The following CCDC158 variants were observed in gnomAD, a reference collection of about 807,000 sequenced individuals.
The protein encoded by CCDC158 is coiled-coil domain-containing protein 158.
Under a neutral mutation model 138.6 loss-of-function variants are expected in CCDC158, and 116 were observed. The observed-to-expected ratio is 0.84, with a 90% CI of 0.72 to 0.98. The LOEUF is 0.98. Ranked by LOEUF, CCDC158 falls within the 50% of genes least tolerant of loss-of-function variation. The pLI is 0.00. For synonymous variants in CCDC158, 436 were observed against 442.4 expected (o/e 0.99, Z 0.18); for missense variants, 1,265 against 1,306.1 (o/e 0.97, Z 0.48).
intron 24 of CCDC158, among the ~76,000 whole-genome samples, chr4:76,320,976 C>T (rs776573785): frequency 6.6e-6 from 1 of 152,142 alleles, no homozygotes; most frequent in Non-Finnish European, 1.5e-5. Context: ...AAACAGACAA[C>T]CCACAGAGTG....
At chr4:76,345,339 TCAAA>T (rs1392266090) in intron 18 of CCDC158, 2 of 1,120,552 alleles carry the variant, frequency 1.8e-6, no homozygotes, top group East Asian at 2.3e-5. Context: ...TTATGAGAAC[TCAAA>T]CAAAGCTCTG....
chr4:76,347,706 T>A (rs1369011199), intron 18 of CCDC158, among the ~76,000 whole-genome samples: 1 of 152,056 alleles, frequency 6.6e-6, no homozygotes, highest in African/African-American at 2.4e-5. Flanking sequence ...TAAAGTATAA[T>A]TTTTAAAAAT....
At chr4:76,387,651 C>G (rs1042039514) in intron 4 of CCDC158, among the ~76,000 whole-genome samples, 2 of 151,762 alleles carry the variant, frequency 1.3e-5, no homozygotes, top group Non-Finnish European at 2.9e-5. Flanking sequence ...GGTGAAACCC[C>G]ATCTCTACTA....
At chr4:76,375,759 G>T in intron 9 of CCDC158, 1 of 580,898 alleles carries the variant, frequency 1.7e-6, no homozygotes, top group Non-Finnish European at 3.1e-6. Context: ...ACTTTTGTAA[G>T]CTACGAAAGC....
Position 76,369,750 on chromosome 4 carries a change from C to T in CCDC158, c.1150-127G>A, listed in dbSNP as rs77643163. Reference sequence around the variant, plus strand: ...CACCTTTGATTTTGGAATCTGATTCCTTTTTAATGGCTTAAGAGCAATTAT... The same window carrying T: ...CACCTTTGATTTTGGAATCTGATTCTTTTTTAATGGCTTAAGAGCAATTAT... On this transcript the variant is annotated intron_variant, in intron 10 of 24. Coordinates refer to ENST00000682701, the MANE Select transcript of CCDC158 (RefSeq NM_001394954.1). The T allele has an allele frequency of 3.8e-4, 294 of 767,260 alleles. No homozygotes were observed. In the African/African-American group the frequency reaches 4.9e-3, roughly 13 times the overall value. 47.5% of individuals were successfully genotyped at this position (767,260 alleles called of 1,614,324 possible). A position where few individuals can be genotyped will look rare whatever the true frequency, so the allele number is the denominator to read the frequency against.
chr4:76,331,593 A>C (rs1485110502), intron 20 of CCDC158, among the ~76,000 whole-genome samples, 190 bp from the exon 21 acceptor site: 1 of 152,226 alleles, frequency 6.6e-6, no homozygotes, highest in East Asian at 1.9e-4. Flanking sequence ...TTTTAGATAG[A>C]TATGGATTCA....
intron 12 of CCDC158, among the ~76,000 whole-genome samples, chr4:76,362,541 T>A (rs1031731241): frequency 2.0e-5 from 3 of 152,212 alleles, no homozygotes; most frequent in Admixed American, 6.5e-5. Context: ...TGGGAAAATA[T>A]TTCACTTTCT....
At chr4:76,406,176 C>G (rs994168894) in intron 2 of CCDC158, among the ~76,000 whole-genome samples, 6 of 152,034 alleles carry the variant, frequency 3.9e-5, no homozygotes, top group African/African-American at 1.4e-4. Context: ...ATGAAAACAA[C>G]AAGAAAGCAC....
At chr4:76,338,710 T>A (rs141776371) in intron 18 of CCDC158, among the ~76,000 whole-genome samples, 1 of 152,268 alleles carries the variant, frequency 6.6e-6, no homozygotes, top group Non-Finnish European at 1.5e-5. Flanking sequence ...GTGGCAGGGT[T>A]TAAGTCAGAA....
intron 9 of CCDC158, among the ~76,000 whole-genome samples, chr4:76,376,683 A>G (rs954639795): frequency 8.5e-5 from 13 of 152,126 alleles, no homozygotes; most frequent in African/African-American, 2.4e-4. Context: ...AATTAATGTC[A>G]CCTTAGGCCA....
chr4:76,394,633 T>C (rs1727611648), intron 4 of CCDC158, among the ~76,000 whole-genome samples: 1 of 152,060 alleles, frequency 6.6e-6, no homozygotes, highest in Non-Finnish European at 1.5e-5. Context: ...AAGAATATAA[T>C]TGGATTGTTT....
chr4:76,362,243 C>A lies in CCDC158; in HGVS notation c.1903G>T (p.Val635Leu), dbSNP rs1404766270. Reference sequence around the variant, plus strand: ...TCAGAGCCTGCATTCACCAGCTTCACCTTTTCCAGCTCCAAGTCACTCACT... The same window carrying A: ...TCAGAGCCTGCATTCACCAGCTTCAACTTTTCCAGCTCCAAGTCACTCACT... ...ARVSDLELEK[V>L]KLVNAGSERL... The change falls in exon 13 of 25, where the codon GTG (valine) becomes TTG (leucine). Residue 635 changes from valine (V) to leucine (L), a missense_variant. Transcript: ENST00000682701. 1.2e-6 allele frequency: 2 copies of A among 1,614,176 alleles called. No homozygotes were observed. Among genetic ancestry groups the A allele is most frequent in the Non-Finnish European group, 1.7e-6 (2 of 1,180,030 alleles).
At chr4:76,378,800 A>C (rs1218557886) in intron 9 of CCDC158, among the ~76,000 whole-genome samples, 1 of 152,256 alleles carries the variant, frequency 6.6e-6, no homozygotes, top group Non-Finnish European at 1.5e-5. Flanking sequence ...ATGTGGTTTT[A>C]AAAGGAATTA....
chr4:76,387,084 C>G (rs1043905996), intron 4 of CCDC158, among the ~76,000 whole-genome samples: 3 of 152,172 alleles, frequency 2.0e-5, no homozygotes, highest in African/African-American at 7.2e-5. Flanking sequence ...TAAGGAGACC[C>G]AAGCTGGTGT....
At position 76,334,092 on chromosome 4, in the gene CCDC158, C is replaced by G; in HGVS notation, c.2740G>C (p.Val914Leu). The change falls in exon 19 of 25, where the codon GTG becomes CTG. Residue 914 changes from valine (V) to leucine (L), a missense_variant. Physicochemically the swap from Val to Leu is conservative, Grantham distance 32 (BLOSUM62 1). Coordinates refer to ENST00000682701, the MANE Select transcript of CCDC158 (RefSeq NM_001394954.1). ...GACACAGCTGGCTCCTCATTGATCA[C>G]GCTTCTCAACTCTTGGAGAAGCTGT... The part of the protein sequence containing the change: ...LKQLLQELRS[V>L]INEEPAVSLS... 3 of 1,613,836 alleles carry G rather than the reference C, an allele frequency of 1.9e-6. No homozygotes were observed. Among genetic ancestry groups the G allele is most frequent in the Non-Finnish European group, 2.5e-6 (3 of 1,179,750 alleles).
At chr4:76,384,444 A>G in intron 5 of CCDC158, 29 bp from the exon 6 acceptor site, 1 of 1,585,778 alleles carries the variant, frequency 6.3e-7, no homozygotes, top group Non-Finnish European at 8.6e-7. Flanking sequence ...AAAATAAATA[A>G]CATTGATAAA....
intron 24 of CCDC158, among the ~76,000 whole-genome samples, chr4:76,313,851 T>C (rs745752094): frequency 3.9e-5 from 6 of 152,372 alleles, no homozygotes; most frequent in African/African-American, 9.6e-5. Context: ...CTTTTTCATA[T>C]AACAAAACGT....
intron 4 of CCDC158, among the ~76,000 whole-genome samples, chr4:76,385,884 T>TA (rs1252106955): frequency 6.6e-6 from 1 of 151,752 alleles, no homozygotes; most frequent in Non-Finnish European, 1.5e-5. Flanking sequence ...AAGTAAAAAA[T>TA]AAAAAATCAT....
rs141748806 is a variant in CCDC158, at chr4:76,385,826, G to A, written c.289-1161C>T. ...AAAAATTCATATCTAAGTACATTAT[G>A]GTGGCATTTCAGAGACAAAGAAAAG... On this transcript the variant is annotated intron_variant, in intron 4 of 24. Transcript: ENST00000682701. Among the ~76,000 whole-genome samples the A allele has an allele frequency of 2.8e-3, 423 of 152,198 alleles. 2 individuals are homozygous for A. Among genetic ancestry groups the A allele is most frequent in the African/African-American group, 9.2e-3 (383 of 41,504 alleles).
Sources: gnomAD v4.1 joint callset for allele counts (sites outside exome capture counted in the v4.1 genomes callset) on GRCh38, gnomAD v4.1.1 for gene constraint, MANE v1.5 for transcripts, NCBI Gene and HGNC (gene_info 2026-07-23, HGNC 2026-07-21) for gene names.